The following BLTP3A variants were observed in gnomAD, a reference collection of about 807,000 sequenced individuals.
BLTP3A encodes the protein ICBP90 binding protein 1.
At chr6:34,863,579 C>T in the BLTP3A span, among the ~76,000 whole-genome samples, 2 of 152,170 alleles carry the variant, frequency 1.3e-5, no homozygotes, top group Non-Finnish European at 2.9e-5. Flanking sequence ...ATGTCTTACT[C>T]ATCAATTTAT....
At chr6:34,867,495 G>A in the BLTP3A span, 1 of 1,614,058 alleles carries the variant, frequency 6.2e-7, no homozygotes, top group Non-Finnish European at 8.5e-7. Context: ...AGGTGAATGA[G>A]GTGTCTTTTG....
the BLTP3A span, among the ~76,000 whole-genome samples, chr6:34,854,673 C>T: frequency 1.3e-5 from 2 of 152,194 alleles, no homozygotes. Context: ...GTGTAGGGGT[C>T]TCTCTTGGTA....
chr6:34,857,301 A>G, the BLTP3A span: 2 of 1,613,276 alleles, frequency 1.2e-6, no homozygotes, highest in South Asian at 2.2e-5. Context: ...TTGATTGTTG[A>G]TACTAACAAA....
chr6:34,857,244 G>T, the BLTP3A span: 14 of 1,501,692 alleles, frequency 9.3e-6, no homozygotes, highest in Non-Finnish European at 1.3e-5. Flanking sequence ...CAGAGGGATG[G>T]TAGAGGCTTT....
At chr6:34,792,627 G>A in the BLTP3A span, among the ~76,000 whole-genome samples, 3 of 152,066 alleles carry the variant, frequency 2.0e-5, no homozygotes, top group Non-Finnish European at 2.9e-5. Flanking sequence ...CTCCAAGCAG[G>A]TCACCCCGTG....
chr6:34,839,510 C>A, the BLTP3A span, among the ~76,000 whole-genome samples: 1 of 152,264 alleles, frequency 6.6e-6, no homozygotes, highest in African/African-American at 2.4e-5. Context: ...ATGTAAAATA[C>A]ACATTGGATT....
the BLTP3A span, among the ~76,000 whole-genome samples, chr6:34,821,236 G>T: frequency 6.6e-6 from 1 of 152,198 alleles, no homozygotes; most frequent in South Asian, 2.1e-4. Flanking sequence ...GATTACAGGC[G>T]TGAGCCACTG....
chr6:34,824,514 C>T, the BLTP3A span, among the ~76,000 whole-genome samples: 7 of 146,128 alleles, frequency 4.8e-5, no homozygotes, highest in African/African-American at 1.0e-4. Flanking sequence ...GCCGAGATCG[C>T]GCCATTGCAC....
At chr6:34,861,596 T>C in the BLTP3A span, among the ~76,000 whole-genome samples, 1 of 152,254 alleles carries the variant, frequency 6.6e-6, no homozygotes, top group African/African-American at 2.4e-5. Context: ...TGCATTCATG[T>C]GTGCACTTGT....
At chr6:34,823,742 C>T in the BLTP3A span, among the ~76,000 whole-genome samples, 1 of 150,962 alleles carries the variant, frequency 6.6e-6, no homozygotes, top group South Asian at 2.1e-4. Context: ...ACTATGTTGC[C>T]CAGGCTGGTC....
the BLTP3A span, among the ~76,000 whole-genome samples, chr6:34,798,594 C>CTTTTTTTTTTTTTTTTTTTTTTTTTTT: frequency 9.5e-5 from 9 of 94,498 alleles, 1 homozygote; most frequent in East Asian, 6.1e-4. Flanking sequence ...TTCTTTCTTT[C>CTTTTTTTTTTTTTTTTTTTTTTTTTTT]TTTTTTTTTT....
the BLTP3A span, among the ~76,000 whole-genome samples, chr6:34,793,425 C>T: frequency 0.013 from 1,906 of 152,200 alleles, 18 homozygotes; most frequent in Middle Eastern, 0.024. Flanking sequence ...CATGGGACAC[C>T]CAGGCTTGCA....
At chr6:34,803,909 G>GT in the BLTP3A span, among the ~76,000 whole-genome samples, 1 of 152,100 alleles carries the variant, frequency 6.6e-6, no homozygotes, top group African/African-American at 2.4e-5. Context: ...AGATAAACCT[G>GT]TTTTTCTTTT....
chr6:34,852,569 C>T, the BLTP3A span, among the ~76,000 whole-genome samples: 1 of 147,424 alleles, frequency 6.8e-6, no homozygotes, highest in Non-Finnish European at 1.5e-5. Context: ...CCTCTCCTCT[C>T]CTCTCCTCTC....
the BLTP3A span, among the ~76,000 whole-genome samples, chr6:34,838,290 A>G: frequency 1.3e-5 from 2 of 152,198 alleles, no homozygotes; most frequent in Non-Finnish European, 2.9e-5. Context: ...TTTTATATAC[A>G]TAAAACAAAC....
chr6:34,802,298 C>T, the BLTP3A span, among the ~76,000 whole-genome samples: 24 of 151,438 alleles, frequency 1.6e-4, no homozygotes, highest in African/African-American at 3.6e-4. Flanking sequence ...CTCTGCCTCC[C>T]GGGGTTCAAG....
the BLTP3A span, chr6:34,821,578 A>G: frequency 7.2e-7 from 1 of 1,381,756 alleles, no homozygotes; most frequent in South Asian, 1.4e-5. Context: ...CTCTAGATTC[A>G]GAAGTGTTTT....
chr6:34,807,782 C>CTAA, the BLTP3A span, among the ~76,000 whole-genome samples: 7 of 151,884 alleles, frequency 4.6e-5, no homozygotes, highest in Non-Finnish European at 1.0e-4. Flanking sequence ...GCTCACGCCT[C>CTAA]TAATCCCAGC....
the BLTP3A span, among the ~76,000 whole-genome samples, chr6:34,863,292 T>C: frequency 1.3e-5 from 2 of 152,204 alleles, no homozygotes; most frequent in African/African-American, 2.4e-5. Flanking sequence ...TAAAGGTCCT[T>C]AAAGGTTTCT....
Sources: gnomAD v4.1 joint callset for allele counts (sites outside exome capture counted in the v4.1 genomes callset) on GRCh38, gnomAD v4.1.1 for gene constraint, MANE v1.5 for transcripts, NCBI Gene and HGNC (gene_info 2026-07-23, HGNC 2026-07-21) for gene names.